PARD3B: variants seen among roughly 807,000 people sequenced by gnomAD.
PARD3B encodes the protein partitioning defective 3 homolog B.
Under a neutral mutation model 130.2 loss-of-function variants are expected in PARD3B, and 103 were observed. The observed-to-expected ratio is 0.79, with a 90% confidence interval of 0.67 to 0.93. The LOEUF is 0.93. Ranked by LOEUF, PARD3B falls within the 40% of genes least tolerant of loss-of-function variation. PARD3B has a pLI of 0.00. For missense variants in PARD3B, 1,609 were observed against 1,499.2 expected, an observed-to-expected ratio of 1.07 and a Z score of -1.21; for synonymous variants, 583 against 553.2, an observed-to-expected ratio of 1.05 and a Z score of -0.76.
chr2:205,247,247 C>T (rs911283931), intron 16 of PARD3B, among the ~76,000 whole-genome samples: 2 of 152,094 alleles, frequency 1.3e-5, no homozygotes, highest in African/African-American at 4.8e-5. Context: ...CCTTAATTTC[C>T]AAGCACACTA....
chr2:205,360,338 C>A (rs2044344070), intron 18 of PARD3B, among the ~76,000 whole-genome samples: 1 of 152,006 alleles, frequency 6.6e-6, no homozygotes, highest in South Asian at 2.1e-4. Flanking sequence ...AAGCAGAGAT[C>A]TTTCATTTTA....
intron 2 of PARD3B, among the ~76,000 whole-genome samples, chr2:204,688,196 C>T (rs2037178413): frequency 6.6e-6 from 1 of 152,154 alleles, no homozygotes; most frequent in Non-Finnish European, 1.5e-5. Context: ...AATATTTCTA[C>T]ATGATGCCTA....
At chr2:204,985,289 A>T (rs1320413128) in intron 3 of PARD3B, among the ~76,000 whole-genome samples, 1 of 152,176 alleles carries the variant, frequency 6.6e-6, no homozygotes, top group Non-Finnish European at 1.5e-5. Flanking sequence ...AAAACTGATT[A>T]ACTCTTAATG....
At chr2:204,900,348 G>A (rs538647255) in intron 2 of PARD3B, among the ~76,000 whole-genome samples, 17 of 152,128 alleles carry the variant, frequency 1.1e-4, no homozygotes, top group South Asian at 4.2e-4. Flanking sequence ...CAAATAGCCT[G>A]TCTTCAAGCT....
intron 15 of PARD3B, among the ~76,000 whole-genome samples, chr2:205,205,466 G>C (rs1254484952): frequency 6.6e-6 from 1 of 152,124 alleles, no homozygotes; most frequent in African/African-American, 2.4e-5. Context: ...GCCCTGGCCA[G>C]AACTTCCAAT....
At chr2:204,857,474 A>T (rs2044999145) in intron 2 of PARD3B, among the ~76,000 whole-genome samples, 3 of 152,214 alleles carry the variant, frequency 2.0e-5, no homozygotes, top group South Asian at 2.1e-4. Flanking sequence ...AGAAAAAATC[A>T]TACAAATGTA....
At chr2:205,444,736 AAG>A (rs2047845464) in intron 20 of PARD3B, among the ~76,000 whole-genome samples, 1 of 152,192 alleles carries the variant, frequency 6.6e-6, no homozygotes, top group Non-Finnish European at 1.5e-5. Context: ...AGCTTGAAAT[AAG>A]AGAGTGGCAT....
intron 1 of PARD3B, among the ~76,000 whole-genome samples, chr2:204,582,570 G>A (rs956631766): frequency 6.6e-5 from 10 of 152,056 alleles, no homozygotes; most frequent in South Asian, 2.1e-4. Context: ...TCCACAGCAC[G>A]GGTGGGTTTT....
intron 21 of PARD3B, among the ~76,000 whole-genome samples, chr2:205,504,900 A>G (rs977298369): frequency 5.9e-5 from 9 of 152,336 alleles, no homozygotes; most frequent in South Asian, 2.1e-4. Flanking sequence ...GTATATACCC[A>G]AAGGATTATA....
chr2:205,472,347 C>A (rs2048864487), intron 20 of PARD3B, among the ~76,000 whole-genome samples: 1 of 151,892 alleles, frequency 6.6e-6, no homozygotes, highest in Non-Finnish European at 1.5e-5. Flanking sequence ...AGTTTTCTTA[C>A]AATTAGCACC....
intron 2 of PARD3B, among the ~76,000 whole-genome samples, chr2:204,883,448 TATATA>T (rs2046144155): frequency 9.4e-6 from 1 of 106,024 alleles, no homozygotes; most frequent in African/African-American, 4.7e-5. Context: ...TATATATATA[TATATA>T]TATTTTTTTT....
In PARD3B at chr2:205,046,242, T is replaced by G. The variant is rs941704360; in HGVS notation, c.395-1339T>G. Among the ~76,000 whole-genome samples, 12 of 151,964 alleles carry G rather than the reference T, an allele frequency of 7.9e-5. No individual in the cohort carries two copies. In the East Asian group the frequency reaches 1.2e-3, roughly 15 times the overall value. On this transcript the variant is annotated intron_variant, in intron 3 of 22. Transcript: ENST00000406610. The stretch of plus-strand genomic sequence containing the variant: ...ATTTTATGGTACTTTTTCTTGCTTC[T>G]ACTCTTCTTGTTTTTTTTTTTTAAA...
At position 205,172,282 on chromosome 2, in the gene PARD3B, C is replaced by T. The variant is rs751907573; in HGVS notation, c.1692C>T (p.His564=). The T allele has an allele frequency of 3.3e-5, 53 of 1,613,908 alleles. No individual in the cohort carries two copies. The South Asian group carries it at 4.4e-4, about 13-fold the overall frequency. The change falls in exon 12 of 23, where the codon CAC becomes CAT. Residue 564 remains histidine (H), a synonymous_variant. Coordinates refer to ENST00000406610, the MANE Select transcript of PARD3B (RefSeq NM_001302769.2). ...AATCTCTTTTGGGAAAGTCCAACCA[C>T]GAAGCTATGGAAACACTTAGGCGGT... The part of the protein sequence containing the change: ...NGESLLGKSN[H]EAMETLRRSM...
intron 18 of PARD3B, among the ~76,000 whole-genome samples, chr2:205,318,341 G>A (rs570905336): frequency 1.4e-4 from 22 of 152,146 alleles, no homozygotes; most frequent in Non-Finnish European, 2.6e-4. Flanking sequence ...CAATTTCCTA[G>A]ACCTTTGACC....
At chr2:204,798,178 C>T (rs2042439205) in intron 2 of PARD3B, among the ~76,000 whole-genome samples, 1 of 152,168 alleles carries the variant, frequency 6.6e-6, no homozygotes, top group African/African-American at 2.4e-5. Context: ...ATTGCCCACA[C>T]CACTACTCCC....
At chr2:204,794,551 C>A (rs1393261551) in intron 2 of PARD3B, among the ~76,000 whole-genome samples, 1 of 152,000 alleles carries the variant, frequency 6.6e-6, no homozygotes, top group Non-Finnish European at 1.5e-5. Flanking sequence ...ATGTGGTGCA[C>A]CCCAGGGCAC....
At chr2:205,141,680 A>C (rs2032967196) in intron 10 of PARD3B, among the ~76,000 whole-genome samples, 1 of 152,238 alleles carries the variant, frequency 6.6e-6, no homozygotes, top group African/African-American at 2.4e-5. Flanking sequence ...GCTTAGCACT[A>C]TTATGGCAAT....
chr2:204,762,952 G>A (rs1489015762), intron 2 of PARD3B, among the ~76,000 whole-genome samples: 1 of 151,968 alleles, frequency 6.6e-6, no homozygotes, highest in African/African-American at 2.4e-5. Flanking sequence ...TAGAGACAGT[G>A]TTTCTCCATG....
chr2:205,412,540 C>A (rs895911853), intron 19 of PARD3B, among the ~76,000 whole-genome samples: 1 of 152,086 alleles, frequency 6.6e-6, no homozygotes, highest in African/African-American at 2.4e-5. Flanking sequence ...TGATCAAAGT[C>A]ATTCCTCTCT....
Sources: gnomAD v4.1 joint callset for allele counts (sites outside exome capture counted in the v4.1 genomes callset) on GRCh38, gnomAD v4.1.1 for gene constraint, MANE v1.5 for transcripts, NCBI Gene and HGNC (gene_info 2026-07-23, HGNC 2026-07-21) for gene names.